The following IGF2R variants were observed in gnomAD, a reference collection of about 807,000 sequenced individuals.
The protein encoded by IGF2R is insulin like growth factor 2 receptor, also known as cation-independent mannose-6-phosphate receptor.
IGF2R carries 91 observed loss-of-function variants against 270.6 expected under a neutral mutation model. The ratio of observed to expected loss-of-function variants is 0.34; its 90% confidence interval spans 0.28 to 0.40. IGF2R has a LOEUF of 0.40. Ranked by LOEUF, IGF2R falls within the 10% of genes least tolerant of loss-of-function variation. The pLI, the probability that IGF2R is intolerant of heterozygous loss-of-function variation, is 1.00. For missense variants in IGF2R, 2,805 were observed against 3,188.3 expected (o/e 0.88, Z 2.90); for synonymous variants, 1,316 against 1,258.9 (o/e 1.05, Z -0.96).
intron 44 of IGF2R, among the ~76,000 whole-genome samples, chr6:160,092,724 C>T (rs1779253721): frequency 6.6e-6 from 1 of 152,170 alleles, no homozygotes; most frequent in Non-Finnish European, 1.5e-5. Flanking sequence ...TTCAGCTACT[C>T]CCAAGCGAGA....
At position 160,073,802 on chromosome 6, in the gene IGF2R, C is replaced by G. The variant is rs1583293399; in HGVS notation, c.4993C>G (p.Pro1665Ala). The G allele has an allele frequency of 6.2e-7, 1 of 1,614,154 alleles. No individual in the cohort carries two copies. The highest frequency in any genetic ancestry group is 1.3e-5 in the African/African-American group (1 of 75,050). ...RNGSSIVDLS[P>A]LIHRTGGYEA... ...TGGAAGCTCTATTGTTGACTTGTCT[C>G]CCCTTATTCATCGCACTGGTGGTTA... The change falls in exon 35 of 48, where the codon CCC (proline) becomes GCC (alanine). Residue 1665 changes from proline (P) to alanine (A), a missense_variant. Pro to Ala is a conservative substitution (Grantham distance 27). Transcript: ENST00000356956.
intron 4 of IGF2R, among the ~76,000 whole-genome samples, chr6:160,019,909 T>G (rs1777393821): frequency 6.6e-6 from 1 of 152,152 alleles, no homozygotes; most frequent in Non-Finnish European, 1.5e-5. Flanking sequence ...AAGACAATGA[T>G]GCCCACTTTT....
At chr6:160,101,447 G>T (rs142487964) in intron 45 of IGF2R, among the ~76,000 whole-genome samples, 160 of 152,262 alleles carry the variant, frequency 1.1e-3, no homozygotes, top group African/African-American at 3.8e-3. Flanking sequence ...AGAACTGGAC[G>T]CCAGGCTGTC....
rs556093217 is a variant in IGF2R, at chr6:159,983,532, GT to G, written c.150-7649del. Among the ~76,000 whole-genome samples, 50 of 152,218 alleles carry G rather than the reference GT, an allele frequency of 3.3e-4. 1 individual carries two copies. The South Asian group carries it at 9.3e-3, about 28-fold the overall frequency. ...GGGAAAGATTCCGACTGTGTGCTTG[GT>G]TTATATGGTTAAATTAATTGCCCTT... On this transcript the variant is annotated intron_variant, in intron 1 of 47. Transcript: ENST00000356956.
chr6:159,984,513 T>C (rs1403820569), intron 1 of IGF2R, among the ~76,000 whole-genome samples: 1 of 152,244 alleles, frequency 6.6e-6, no homozygotes, highest in Non-Finnish European at 1.5e-5. Flanking sequence ...TAATCCTTTA[T>C]ACCATATCTT....
At position 160,060,501 on chromosome 6, in the gene IGF2R, T is replaced by C. The variant is rs368031251; in HGVS notation, c.3092-46T>C. 1.9e-6 allele frequency: 3 copies of C among 1,596,478 alleles called. No homozygotes were observed. The African/African-American group carries it at 4.0e-5, about 21-fold the overall frequency. On this transcript the variant is annotated intron_variant, in intron 22 of 47. Transcript: ENST00000356956. ...TGCACTGTGCTTGTGGGCTGCGCCATGAATACTGTTCTGTCTCTTAAAATC... is the reference window on the plus strand; with the variant it reads ...TGCACTGTGCTTGTGGGCTGCGCCACGAATACTGTTCTGTCTCTTAAAATC...
rs1278169341 is a variant in IGF2R at position 160,047,317 on chromosome 6, T to G, written c.2210T>G (p.Val737Gly). 6.3e-7 allele frequency: 1 copy of G among 1,596,064 alleles called. No individual in the cohort carries two copies. The highest frequency in any genetic ancestry group is 1.1e-5 in the South Asian group (1 of 89,608). ...TTTCTCTGTGATCGAGACGCGGGAG[T>G]GGGCTTCCCTGAATATCAGGTAGGA... ...ITFLCDRDAGVGFPEYQEEDN... is the reference protein window; with the variant it reads ...ITFLCDRDAGGGFPEYQEEDN... The change falls in exon 16 of 48, where the codon GTG (valine) becomes GGG (glycine). Residue 737 changes from valine to glycine, a missense_variant. By Grantham distance (109) the Val-to-Gly change is moderately radical. Coordinates refer to ENST00000356956, the MANE Select transcript of IGF2R (RefSeq NM_000876.4).
intron 29 of IGF2R, among the ~76,000 whole-genome samples, chr6:160,065,847 TA>T (rs1778572553): frequency 2.2e-5 from 3 of 137,438 alleles, no homozygotes; most frequent in African/African-American, 8.1e-5. Flanking sequence ...TATATATATG[TA>T]TTTTTTTTGA....
In IGF2R at chr6:160,087,767, C is replaced by T. The variant is rs8191923; in HGVS notation, c.6206-266C>T. ...CTTGGCTCACTGCAACTTCTGCCTC[C>T]CGGGTTCAAGCAATTCTCCTGCCTC... On this transcript the variant is annotated intron_variant, in intron 41 of 47. Transcript: ENST00000356956. Among the ~76,000 whole-genome samples, 1,512 of 152,244 alleles carry T rather than the reference C, an allele frequency of 9.9e-3. 20 individuals carry two copies. The highest frequency in any genetic ancestry group is 0.034 in the African/African-American group (1,430 of 41,536).
At chr6:160,076,057 C>T in intron 36 of IGF2R, 61 bp downstream of exon 36, 1 of 1,542,544 alleles carries the variant, frequency 6.5e-7, no homozygotes, top group Non-Finnish European at 8.9e-7. Flanking sequence ...CAAGGCTAGA[C>T]AACCAGAAAG....
At chr6:159,970,731 GAAC>G (rs1441595377) in intron 1 of IGF2R, among the ~76,000 whole-genome samples, 1 of 152,216 alleles carries the variant, frequency 6.6e-6, no homozygotes, top group African/African-American at 2.4e-5. Flanking sequence ...GTCAGGCTGA[GAAC>G]AACATTTAGA....
At chr6:160,036,116 C>A (rs1777818564) in intron 10 of IGF2R, among the ~76,000 whole-genome samples, 1 of 152,110 alleles carries the variant, frequency 6.6e-6, no homozygotes, top group Admixed American at 6.5e-5. Context: ...TGCAGAGGAG[C>A]TGGATTATAT....
At chr6:160,081,442 C>G (rs577863164) in intron 39 of IGF2R, among the ~76,000 whole-genome samples, 19 of 152,246 alleles carry the variant, frequency 1.2e-4, no homozygotes, top group Non-Finnish European at 2.5e-4. Context: ...GGTCACAAGG[C>G]AGAAGGTCAG....
At chr6:160,087,397 G>A (rs868174271) in intron 41 of IGF2R, among the ~76,000 whole-genome samples, 1 of 152,194 alleles carries the variant, frequency 6.6e-6, no homozygotes, top group Admixed American at 6.5e-5. Context: ...ATACATGCCC[G>A]AAACCTGCCC....
chr6:160,009,255 A>G, intron 3 of IGF2R, 121 bp downstream of exon 3: 2 of 795,242 alleles, frequency 2.5e-6, no homozygotes, highest in Non-Finnish European at 3.8e-6. Flanking sequence ...ACAAATAAGA[A>G]AAACCCTACC....
At position 160,102,466 on chromosome 6, in the gene IGF2R, G is replaced by A; in HGVS notation, c.6843-53G>A. ...GGGACTCAGGTCTCAGGTTGTGGCT[G>A]TGGCAGCAGGACCACCCTGTGACAC... is the stretch of plus-strand genomic sequence containing the variant. On this transcript the variant is annotated intron_variant, in intron 45 of 47. Transcript: ENST00000356956. The surrounding 1 kb of genome is among the most constrained non-coding windows in gnomAD (Gnocchi z 4.5). 4 of 1,581,888 alleles carry A rather than the reference G, an allele frequency of 2.5e-6. No individual in the cohort carries two copies. The highest frequency in any genetic ancestry group is 3.5e-6 in the Non-Finnish European group (4 of 1,159,052).
chr6:160,067,492 T>C (rs1409614240), intron 29 of IGF2R, among the ~76,000 whole-genome samples: 1 of 152,244 alleles, frequency 6.6e-6, no homozygotes, highest in Non-Finnish European at 1.5e-5. Context: ...GTAATTTTGG[T>C]AAACTTTGTA....
At chr6:160,048,068 G>A (rs1045644138) in intron 17 of IGF2R, among the ~76,000 whole-genome samples, 161 bp downstream of exon 17, 1 of 152,214 alleles carries the variant, frequency 6.6e-6, no homozygotes, top group Non-Finnish European at 1.5e-5. Flanking sequence ...TCTAATAACT[G>A]TCTGGTCGCC....
chr6:160,020,190 T>G (rs1461195803), intron 4 of IGF2R, among the ~76,000 whole-genome samples: 1 of 151,366 alleles, frequency 6.6e-6, no homozygotes, highest in Non-Finnish European at 1.5e-5. Context: ...AATCAAGAAG[T>G]CAATCCCATT....
Sources: allele counts gnomAD v4.1 joint callset (sites outside exome capture counted in the v4.1 genomes callset), GRCh38; gene constraint gnomAD v4.1.1; non-coding constraint Gnocchi (gnomAD v3.1); transcripts MANE v1.5; gene names NCBI Gene and HGNC (gene_info 2026-07-23, HGNC 2026-07-21).